Variants in SLC7A5 observed in about 807,000 individuals in gnomAD.
The protein encoded by SLC7A5 is large neutral amino acids transporter small subunit 1.
Under a neutral mutation model 50.2 loss-of-function variants are expected in SLC7A5, and 23 were observed. That is an observed-to-expected ratio of 0.46 (90% CI 0.33 to 0.65). The LOEUF (loss-of-function observed/expected upper bound fraction) is 0.65, where lower values mean the gene tolerates loss of function less well. Ranked by LOEUF, SLC7A5 falls within the 30% of genes least tolerant of loss-of-function variation. SLC7A5 has a pLI of 0.02. For missense variants in SLC7A5, 578 were observed against 684.4 expected (o/e 0.84, Z 1.73); for synonymous variants, 393 against 330.6 (o/e 1.19, Z -2.05).
Position 87,851,766 on chromosome 16 carries a change from G to A in SLC7A5, c.622C>T (p.Leu208=), listed in dbSNP as rs143565202. 3 of 1,613,096 alleles carry A rather than the reference G, an allele frequency of 1.9e-6. No homozygotes were observed. In the African/African-American group the frequency reaches 4.0e-5, roughly 22 times the overall value. ...AAGCCCAGCAGGATGATCAGGGCCA[G>A]GGCCAGGAGCTTGGCGGCGGCAAAG... ...DAFAAAKLLA[L]ALIILLGFVQ... is the part of the protein sequence containing the mutation. Residue 208 remains leucine (L), a synonymous_variant, in exon 2 of 10, where the codon CTG becomes TTG. Transcript: ENST00000261622.
intron 6 of SLC7A5, 21 bp from the exon 7 acceptor site, chr16:87,837,962 CAG>C (rs1422330017): frequency 3.8e-6 from 6 of 1,568,138 alleles, no homozygotes; most frequent in Non-Finnish European, 5.2e-6. Flanking sequence ...ACAAGAGTGG[CAG>C]AGTCAGCCAC....
Position 87,833,743 on chromosome 16 carries a change from T to C in SLC7A5, c.1468+671A>G, listed in dbSNP as rs2054961183. ...AGGCCCGCAAGCACCCCGGCCTTTTTCTACGAGCCTGGCCACATTTGCAGG... is the reference window on the plus strand; with the variant it reads ...AGGCCCGCAAGCACCCCGGCCTTTTCCTACGAGCCTGGCCACATTTGCAGG... On this transcript the variant is annotated intron_variant, in intron 9 of 9. Transcript: ENST00000261622. This position sits in a 1 kb window ranked among gnomAD's most constrained non-coding sequence, Gnocchi z 6.0. 6.6e-6 allele frequency among the ~76,000 whole-genome samples: 1 copy of C among 152,036 alleles called. No homozygotes were observed. Among genetic ancestry groups the C allele is most frequent in the Non-Finnish European group, 1.5e-5 (1 of 67,986 alleles).
At chr16:87,863,992 T>TATATATATATATATAC (rs2055430580) in intron 1 of SLC7A5, among the ~76,000 whole-genome samples, 1 of 128,254 alleles carries the variant, frequency 7.8e-6, no homozygotes, top group African/African-American at 2.8e-5. Flanking sequence ...TAAAAATATA[T>TATATATATATATATAC]ATATATATAT....
chr16:87,841,734 G>A lies in SLC7A5; in HGVS notation c.665-579C>T, dbSNP rs550426901. ...CCGGGGCAGGGGCAGGAGCAGGGCT[G>A]CCAGGGCCGAGAACGATCCCCGTGC... On this transcript the variant is annotated intron_variant, in intron 2 of 9. Transcript: ENST00000261622. The surrounding 1 kb of genome is among the most constrained non-coding windows in gnomAD (Gnocchi z 4.8). Among the ~76,000 whole-genome samples the A allele has an allele frequency of 1.3e-5, 2 of 152,330 alleles. No individual in the cohort carries two copies. Among genetic ancestry groups the A allele is most frequent in the Admixed American group, 1.3e-4 (2 of 15,306 alleles).
Position 87,852,645 on chromosome 16 carries a change from T to TGTGTGTGTGC in SLC7A5, c.539-797_539-796insGCACACACAC, listed in dbSNP as rs1310250624. On this transcript the variant is annotated intron_variant, in intron 1 of 9. Transcript: ENST00000261622. This position sits in a 1 kb window ranked among gnomAD's most constrained non-coding sequence, Gnocchi z 4.5. Reference sequence around the variant, plus strand: ...GCACCCAGCTCTGAGCCTCTGTGTGTGTGTGTGTGTGTGTGTGTGTGTGTG... The same window carrying TGTGTGTGTGC: ...GCACCCAGCTCTGAGCCTCTGTGTGTGTGTGTGTGCGTGTGTGTGTGTGTGTGTGTGTGTG... Among the ~76,000 whole-genome samples the TGTGTGTGTGC allele has an allele frequency of 0.012, 1,302 of 112,870 alleles. 21 individuals are homozygous for TGTGTGTGTGC. The highest frequency in any genetic ancestry group is 0.018 in the Non-Finnish European group (1,006 of 56,798). The allele number at this position is 112,870 out of a possible 152,430, so 74.0% of individuals were successfully genotyped here.
rs2055239851 is a variant in SLC7A5 at position 87,852,346 on chromosome 16, G to C, written c.539-497C>G. ...GGATCTTCTGTGGATTCCAACAGAAGTGGGGTGTCCCGCTTTCCCGGAACT... is the reference window on the plus strand; with the variant it reads ...GGATCTTCTGTGGATTCCAACAGAACTGGGGTGTCCCGCTTTCCCGGAACT... On this transcript the variant is annotated intron_variant, in intron 1 of 9. Transcript: ENST00000261622. The surrounding 1 kb of genome is among the most constrained non-coding windows in gnomAD (Gnocchi z 4.5). Among the ~76,000 whole-genome samples, 1 of 152,232 alleles carries C rather than the reference G, an allele frequency of 6.6e-6. No homozygotes were observed. The highest frequency in any genetic ancestry group is 2.4e-5 in the African/African-American group (1 of 41,458).
chr16:87,835,781 C>T (rs916567795), intron 8 of SLC7A5, among the ~76,000 whole-genome samples: 2 of 152,178 alleles, frequency 1.3e-5, no homozygotes, highest in East Asian at 3.9e-4. Context: ...GCCTAAAGCC[C>T]GTTCAACAGC....
At chr16:87,835,552 C>T (rs926753629) in intron 8 of SLC7A5, among the ~76,000 whole-genome samples, 24 of 152,338 alleles carry the variant, frequency 1.6e-4, no homozygotes, top group South Asian at 2.1e-4. Flanking sequence ...TACAGTGGCG[C>T]GACCTCGGCC....
rs1000802445 is a variant in SLC7A5, at chr16:87,852,738, C to T, written c.539-889G>A. ...CACGCTGAGCCACTGTGTGTGTGTG[C>T]GTGTGTGTGTGTGTTTTGGGGGGTT... On this transcript the variant is annotated intron_variant, in intron 1 of 9. Transcript: ENST00000261622. The surrounding 1 kb of genome is among the most constrained non-coding windows in gnomAD (Gnocchi z 4.5). Among the ~76,000 whole-genome samples the T allele has an allele frequency of 5.9e-5, 8 of 134,714 alleles. No individual in the cohort carries two copies. The highest frequency in any genetic ancestry group is 2.3e-4 in the East Asian group (1 of 4,330). The allele number at this position is 134,714 out of a possible 152,430, so 88.4% of individuals were successfully genotyped here.
At chr16:87,838,844 G>A in intron 5 of SLC7A5, 27 bp from the exon 6 acceptor site, 1 of 1,568,628 alleles carries the variant, frequency 6.4e-7, no homozygotes, top group Non-Finnish European at 8.8e-7. Context: ...AGTGAGCTGG[G>A]CCCCACCGGG....
At position 87,853,700 on chromosome 16, in the gene SLC7A5, C is replaced by CGGCTTCTGGAGAGCTTTCTGGAT. The variant is rs2055269407; in HGVS notation, c.539-1874_539-1852dup. Among the ~76,000 whole-genome samples the CGGCTTCTGGAGAGCTTTCTGGAT allele has an allele frequency of 6.6e-6, 1 of 152,048 alleles. No homozygotes were observed. Among genetic ancestry groups the CGGCTTCTGGAGAGCTTTCTGGAT allele is most frequent in the African/African-American group, 2.4e-5 (1 of 41,450 alleles). ...AGAAACTGAGCCTCGGGGACCTAGCCGGCTTCTGGAGAGCTTTCTGGATTC... is the reference window on the plus strand; with the variant it reads ...AGAAACTGAGCCTCGGGGACCTAGCCGGCTTCTGGAGAGCTTTCTGGATGGCTTCTGGAGAGCTTTCTGGATTC... On this transcript the variant is annotated intron_variant, in intron 1 of 9. Transcript: ENST00000261622. The surrounding 1 kb of genome is among the most constrained non-coding windows in gnomAD (Gnocchi z 4.4).
rs2054955749 is a variant in SLC7A5 at position 87,833,295 on chromosome 16, C to T, written c.1469-270G>A. On this transcript the variant is annotated intron_variant, in intron 9 of 9. Transcript: ENST00000261622. This position sits in a 1 kb window ranked among gnomAD's most constrained non-coding sequence, Gnocchi z 6.0. ...GAACCCTGGGGAGGCAGAGTGCGGC[C>T]CCTGGGGCACACGAACCAGGCCCTG... Among the ~76,000 whole-genome samples, 1 of 152,246 alleles carries T rather than the reference C, an allele frequency of 6.6e-6. No homozygotes were observed. Among genetic ancestry groups the T allele is most frequent in the African/African-American group, 2.4e-5 (1 of 41,464 alleles).
rs60307560 is a variant in SLC7A5, at chr16:87,843,347, C to CTT, written c.665-2194_665-2193dup. Among the ~76,000 whole-genome samples the CTT allele has an allele frequency of 2.0e-3, 129 of 63,324 alleles. 13 individuals are homozygous for CTT. The highest frequency in any genetic ancestry group is 3.2e-3 in the Non-Finnish European group (114 of 35,854). 41.5% of individuals were successfully genotyped at this position (63,324 alleles called of 152,430 possible). ...ATTGGCAGCCCTAAGGCCTGAGTAACTTTTTTTTTTTTTTTTTTTTTTTTT... is the reference window on the plus strand; with the variant it reads ...ATTGGCAGCCCTAAGGCCTGAGTAACTTTTTTTTTTTTTTTTTTTTTTTTTTT... On this transcript the variant is annotated intron_variant, in intron 2 of 9. Transcript: ENST00000261622.
At chr16:87,837,974 CCG>C in intron 6 of SLC7A5, 33 bp from the exon 7 acceptor site, 1 of 1,523,768 alleles carries the variant, frequency 6.6e-7, no homozygotes. Context: ...GAGTCAGCCA[CCG>C]CCCCACAACT....
intron 1 of SLC7A5, among the ~76,000 whole-genome samples, chr16:87,858,279 G>A (rs537475472): frequency 2.0e-5 from 3 of 152,262 alleles, no homozygotes; most frequent in East Asian, 3.9e-4. Context: ...GTGTCTTACG[G>A]CGCCCCATGA....
At chr16:87,838,484 G>A (rs549986100) in intron 6 of SLC7A5, among the ~76,000 whole-genome samples, 13 of 152,210 alleles carry the variant, frequency 8.5e-5, no homozygotes, top group African/African-American at 3.1e-4. Flanking sequence ...GTAGAAACGG[G>A]GTTTTGCCAT....
intron 2 of SLC7A5, among the ~76,000 whole-genome samples, chr16:87,850,986 C>T (rs1429222842): frequency 6.6e-6 from 1 of 152,220 alleles, no homozygotes; most frequent in Non-Finnish European, 1.5e-5. Flanking sequence ...TTCACACTCA[C>T]TCTCTTTATT....
At chr16:87,845,916 G>T (rs997761) in intron 2 of SLC7A5, among the ~76,000 whole-genome samples, 47,041 of 152,080 alleles carry the variant, frequency 0.31, 8,030 homozygotes, top group East Asian at 0.66. Flanking sequence ...CTTTGATTCT[G>T]TCCCAGCACA....
chr16:87,867,249 G>C (rs1236038881), intron 1 of SLC7A5, among the ~76,000 whole-genome samples: 2 of 152,342 alleles, frequency 1.3e-5, no homozygotes, highest in Middle Eastern at 3.4e-3. Flanking sequence ...AAAGATAAGA[G>C]TGCAGGCTGC....
Sources: allele counts gnomAD v4.1 joint callset (sites outside exome capture counted in the v4.1 genomes callset), GRCh38; gene constraint gnomAD v4.1.1; non-coding constraint Gnocchi (gnomAD v3.1); transcripts MANE v1.5; gene names NCBI Gene and HGNC (gene_info 2026-07-23, HGNC 2026-07-21).